KAT6A: variants seen among roughly 807,000 people sequenced by gnomAD.
The protein encoded by KAT6A is histone acetyltransferase KAT6A.
Under a neutral mutation model 198.4 loss-of-function variants are expected in KAT6A, and 9 were observed. The ratio of observed to expected loss-of-function variants is 0.05; its 90% confidence interval spans 0.03 to 0.08. The LOEUF is 0.08. KAT6A is among the 10% of genes least tolerant of loss of function. KAT6A has a pLI of 1.00. For missense variants in KAT6A, 2,077 were observed against 2,509.9 expected (o/e 0.83, Z 3.69); for synonymous variants, 890 against 883.0 (o/e 1.01, Z -0.14).
chr8:42,012,918 C>T (rs1826089210), intron 2 of KAT6A, among the ~76,000 whole-genome samples: 1 of 152,092 alleles, frequency 6.6e-6, no homozygotes, highest in African/African-American at 2.4e-5. Flanking sequence ...ATGGATGAAT[C>T]CCAAATGCAT....
At chr8:41,995,561 C>T (rs1022978502) in intron 2 of KAT6A, among the ~76,000 whole-genome samples, 1 of 152,080 alleles carries the variant, frequency 6.6e-6, no homozygotes, top group Non-Finnish European at 1.5e-5. Flanking sequence ...GAAGTTTATA[C>T]CATGAAATAA....
intron 2 of KAT6A, among the ~76,000 whole-genome samples, chr8:42,004,013 T>G (rs1298435152): frequency 1.3e-5 from 2 of 152,234 alleles, no homozygotes; most frequent in Non-Finnish European, 2.9e-5. Context: ...ATAACAGCCC[T>G]AGCATACTAG....
intron 9 of KAT6A, among the ~76,000 whole-genome samples, chr8:41,954,508 C>T (rs552580372): frequency 6.6e-6 from 1 of 152,138 alleles, no homozygotes; most frequent in Non-Finnish European, 1.5e-5. Flanking sequence ...GCATTAATGT[C>T]ACTACAATTA....
chr8:41,937,272 CTCTTCATCTTCT>C lies in KAT6A; in HGVS notation c.3324_3335del (p.Glu1109_Glu1112del). ...AAAACATACCATCAGCATCATCTGA[CTCTTCATCTTCT>C]TCTTCATCTTTAGACTTCCTCTTAG... is the stretch of plus-strand genomic sequence containing the variant. On this transcript the variant is annotated inframe_deletion, in exon 16 of 17. Coordinates refer to ENST00000265713, the MANE Select transcript of KAT6A (RefSeq NM_006766.5). 1.2e-6 allele frequency: 2 copies of C among 1,612,378 alleles called. No homozygotes were observed. Among genetic ancestry groups the C allele is most frequent in the Non-Finnish European group, 1.7e-6 (2 of 1,178,782 alleles).
intron 8 of KAT6A, among the ~76,000 whole-genome samples, chr8:41,959,557 T>C (rs930953872): frequency 2.0e-5 from 3 of 152,228 alleles, no homozygotes; most frequent in Non-Finnish European, 4.4e-5. Flanking sequence ...TCTATTTGCA[T>C]ACTCATGTTC....
chr8:42,045,163 T>C lies in KAT6A; in HGVS notation c.600+3215A>G, dbSNP rs749847003. On this transcript the variant is annotated intron_variant, in intron 2 of 16. Coordinates refer to ENST00000265713, the MANE Select transcript of KAT6A (RefSeq NM_006766.5). ...ATAGAACAGAGCTCACCAACTCTAA[T>C]TGAATAGATACTATCATGAAATTAG... Among the ~76,000 whole-genome samples, 7 of 152,348 alleles carry C rather than the reference T, an allele frequency of 4.6e-5. No homozygotes were observed. In the East Asian group the frequency reaches 7.7e-4, roughly 17 times the overall value.
intron 8 of KAT6A, among the ~76,000 whole-genome samples, chr8:41,969,930 C>A (rs1337019855): frequency 6.6e-6 from 1 of 152,162 alleles, no homozygotes; most frequent in Non-Finnish European, 1.5e-5. Flanking sequence ...TTTGAATACT[C>A]TTTTGGAACT....
chr8:42,044,962 AAGGAG>A (rs751564035), intron 2 of KAT6A, among the ~76,000 whole-genome samples: 3 of 152,224 alleles, frequency 2.0e-5, no homozygotes, highest in African/African-American at 2.4e-5. Context: ...GCGTAGTTCG[AAGGAG>A]AGGAAAGAAA....
chr8:42,048,966 G>A lies in KAT6A; in HGVS notation c.12C>T (p.Leu4=), dbSNP rs372729625. 39 of 1,611,904 alleles carry A rather than the reference G, an allele frequency of 2.4e-5. No individual in the cohort carries two copies. Among genetic ancestry groups the A allele is most frequent in the African/African-American group, 8.0e-5 (6 of 74,730 alleles). Residue 4 remains leucine (L), a synonymous_variant, in exon 2 of 17, where the codon CTC becomes CTT. Coordinates refer to ENST00000265713, the MANE Select transcript of KAT6A (RefSeq NM_006766.5). ...TCCACTCAGTATAAAGCGGGTTTGC[G>A]AGTTTTACCATGGTGAAGGATTCTG... is the stretch of plus-strand genomic sequence containing the variant. MVK[L]ANPLYTEWIL...
intron 8 of KAT6A, among the ~76,000 whole-genome samples, chr8:41,961,277 T>G (rs1823191523): frequency 6.6e-6 from 1 of 152,238 alleles, no homozygotes; most frequent in Non-Finnish European, 1.5e-5. Flanking sequence ...ACCAATACTA[T>G]GGCTAAAGAT....
intron 2 of KAT6A, among the ~76,000 whole-genome samples, chr8:42,031,447 A>G (rs1327304150): frequency 6.6e-6 from 1 of 151,966 alleles, no homozygotes; most frequent in Non-Finnish European, 1.5e-5. Context: ...TTTTTTAATC[A>G]ACCTAATTTC....
Position 41,937,576 on chromosome 8 carries a change from A to G in KAT6A, c.3040-8T>C, listed in dbSNP as rs1472003509. 6.3e-7 allele frequency: 1 copy of G among 1,596,162 alleles called. No homozygotes were observed. ...TCGGTGGAGAAATGGTTTCTGTTTA[A>G]TAGAGAAAGCAAGTATTTACAGTTA... On this transcript the variant is annotated splice_region_variant and splice_polypyrimidine_tract_variant and intron_variant, in intron 15 of 16. Coordinates refer to ENST00000265713, the MANE Select transcript of KAT6A (RefSeq NM_006766.5).
chr8:41,963,312 C>T (rs1823299421), intron 8 of KAT6A, among the ~76,000 whole-genome samples: 1 of 152,230 alleles, frequency 6.6e-6, no homozygotes, highest in South Asian at 2.1e-4. Flanking sequence ...ACACAACCAT[C>T]TACCAAAGTT....
chr8:41,976,998 A>G lies in KAT6A; in HGVS notation c.1363+10T>C. ...TACTATTTGTTTCTAAGTCTGTTCT[A>G]AACTCTTACCTGTGGGCCAATCTGA... On this transcript the variant is annotated intron_variant, in intron 7 of 16. Transcript: ENST00000265713. 8 of 1,580,450 alleles carry G rather than the reference A, an allele frequency of 5.1e-6. No homozygotes were observed. Among genetic ancestry groups the G allele is most frequent in the Non-Finnish European group, 6.9e-6 (8 of 1,162,810 alleles).
chr8:42,036,142 C>T (rs1463601051), intron 2 of KAT6A, among the ~76,000 whole-genome samples: 1 of 151,868 alleles, frequency 6.6e-6, no homozygotes, highest in African/African-American at 2.4e-5. Flanking sequence ...TATGATGTAG[C>T]ATATGGGAGT....
rs777842614 is a variant in KAT6A, at chr8:41,932,997, G to T, written c.5223C>A (p.Ala1741=). 1.2e-6 allele frequency: 2 copies of T among 1,613,984 alleles called. No individual in the cohort carries two copies. The highest frequency in any genetic ancestry group is 1.7e-6 in the Non-Finnish European group (2 of 1,179,988). The change falls in exon 17 of 17, where the codon GCC becomes GCA. Residue 1741 remains alanine (A), a synonymous_variant. Transcript: ENST00000265713. ...TGGCTGATGGTTGAGAGTAGCTGCC[G>T]GCACCAAAATCCCCTGGAATCCTCT... The part of the protein sequence containing the change: ...IYERIPGDFG[A]GSYSQPSATF...
rs190662387 is a variant in KAT6A at position 41,984,651 on chromosome 8, T to C, written c.710-2697A>G. Among the ~76,000 whole-genome samples the C allele has an allele frequency of 3.9e-5, 6 of 152,318 alleles. No individual in the cohort carries two copies. In the East Asian group the frequency reaches 1.2e-3, roughly 29 times the overall value. ...ATTTATTTCTGCAGCAACAGATAAC[T>C]AGTAGTTAATTGTTCTACAATTTCT... On this transcript the variant is annotated intron_variant, in intron 3 of 16. Coordinates refer to ENST00000265713, the MANE Select transcript of KAT6A (RefSeq NM_006766.5).
At chr8:41,948,041 T>C in intron 10 of KAT6A, 129 bp from the exon 11 acceptor site, 1 of 641,728 alleles carries the variant, frequency 1.6e-6, no homozygotes, top group African/African-American at 1.9e-5. Flanking sequence ...ACCAGAACAC[T>C]TTGGAACCTG....
At position 41,989,990 on chromosome 8, in the gene KAT6A, T is replaced by C. The variant is rs187168003; in HGVS notation, c.601-2427A>G. On this transcript the variant is annotated intron_variant, in intron 2 of 16. Coordinates refer to ENST00000265713, the MANE Select transcript of KAT6A (RefSeq NM_006766.5). The stretch of plus-strand genomic sequence containing the variant: ...ACCACATCCTTTCCTCAAAAAGGAG[T>C]ATGAAAAAAGAACTGGGGAAGTAAG... 9.5e-4 allele frequency among the ~76,000 whole-genome samples: 143 copies of C among 150,904 alleles called. 1 individual carries two copies. Among genetic ancestry groups the C allele is most frequent in the African/African-American group, 3.4e-3 (139 of 41,086 alleles).
Sources: allele counts gnomAD v4.1 joint callset (sites outside exome capture counted in the v4.1 genomes callset), GRCh38; gene constraint gnomAD v4.1.1; transcripts MANE v1.5; gene names NCBI Gene and HGNC (gene_info 2026-07-23, HGNC 2026-07-21).